SLC25A26: variants seen among roughly 807,000 people sequenced by gnomAD.
SLC25A26 encodes mitochondrial S-adenosylmethionine carrier protein.
In SLC25A26, 36 loss-of-function variants were observed where a neutral mutation model predicts 37.8. That is an observed-to-expected ratio of 0.95 (90% confidence interval 0.73 to 1.26). The LOEUF is 1.26. SLC25A26 is among the 50% of genes most tolerant of loss of function. The pLI, the probability that SLC25A26 is intolerant of heterozygous loss-of-function variation, is 0.00. For missense variants in SLC25A26, 390 were observed against 331.1 expected (o/e 1.18, Z -1.38); for synonymous variants, 129 against 122.5 (o/e 1.05, Z -0.35).
intron 6 of SLC25A26, among the ~76,000 whole-genome samples, chr3:66,359,499 T>G (rs150260533): frequency 1.8e-4 from 27 of 152,334 alleles, no homozygotes; most frequent in African/African-American, 5.5e-4. Context: ...TGGAGTAGCC[T>G]TCTACTCTTT....
At chr3:66,245,472 T>C (rs1433557672) in intron 3 of SLC25A26, among the ~76,000 whole-genome samples, 2 of 152,158 alleles carry the variant, frequency 1.3e-5, no homozygotes, top group South Asian at 2.1e-4. Flanking sequence ...ATGGGCATAA[T>C]AGAAATGGAC....
intron 3 of SLC25A26, among the ~76,000 whole-genome samples, chr3:66,244,975 TCAAAAAAA>T (rs2072761200): frequency 6.6e-6 from 1 of 152,098 alleles, no homozygotes. Flanking sequence ...AGACTCTGTC[TCAAAAAAA>T]CAAAAAACAA....
intron 1 of SLC25A26, 83 bp from the exon 2 acceptor site, chr3:66,236,461 C>A: frequency 2.7e-6 from 3 of 1,109,490 alleles, no homozygotes; most frequent in Non-Finnish European, 3.7e-6. Context: ...AGACTGTCTT[C>A]CTATCTTCGC....
intron 1 of SLC25A26, among the ~76,000 whole-genome samples, chr3:66,224,267 C>T (rs2071636245): frequency 6.6e-6 from 1 of 152,142 alleles, no homozygotes; most frequent in Non-Finnish European, 1.5e-5. Context: ...AACAAAGATA[C>T]CTGAGACTGG....
At chr3:66,176,663 A>G (rs1482734850) in intron 1 of SLC25A26, among the ~76,000 whole-genome samples, 1 of 152,200 alleles carries the variant, frequency 6.6e-6, no homozygotes, top group Non-Finnish European at 1.5e-5. Context: ...TACTTGACTC[A>G]TGGTTTGAAA....
intron 1 of SLC25A26, among the ~76,000 whole-genome samples, chr3:66,235,002 C>G (rs2072207082): frequency 1.3e-5 from 2 of 152,144 alleles, no homozygotes; most frequent in Non-Finnish European, 2.9e-5. Flanking sequence ...CTGACTTTGA[C>G]TCACATCTTT....
chr3:66,274,055 T>C (rs928077952), intron 5 of SLC25A26, among the ~76,000 whole-genome samples: 44 of 152,224 alleles, frequency 2.9e-4, no homozygotes, highest in South Asian at 2.5e-3. Context: ...AACAGAGATA[T>C]AGATCAGTGG....
intron 7 of SLC25A26, among the ~76,000 whole-genome samples, chr3:66,363,568 G>A (rs982764934): frequency 2.6e-5 from 4 of 152,168 alleles, no homozygotes; most frequent in African/African-American, 9.7e-5. Context: ...GCTTTAAAGA[G>A]CTTAATAAGT....
intron 5 of SLC25A26, among the ~76,000 whole-genome samples, chr3:66,284,602 A>G (rs1175578111): frequency 6.6e-6 from 1 of 152,220 alleles, no homozygotes; most frequent in African/African-American, 2.4e-5. Context: ...AAACTATGAT[A>G]TGTAAGTGCA....
chr3:66,210,023 A>AGTTTCG (rs2071263805), intron 1 of SLC25A26, among the ~76,000 whole-genome samples: 1 of 140,600 alleles, frequency 7.1e-6, no homozygotes, highest in Non-Finnish European at 1.5e-5. Context: ...GGCTTTTAGG[A>AGTTTCG]GTTTCGGATG....
At chr3:66,364,903 A>G (rs891907675) in intron 7 of SLC25A26, among the ~76,000 whole-genome samples, 2 of 152,190 alleles carry the variant, frequency 1.3e-5, no homozygotes, top group African/African-American at 4.8e-5. Context: ...GCCTGCAAAA[A>G]ATCTGTTGTC....
intron 5 of SLC25A26, among the ~76,000 whole-genome samples, chr3:66,333,750 G>A (rs1477403062): frequency 6.6e-6 from 1 of 152,096 alleles, no homozygotes; most frequent in Non-Finnish European, 1.5e-5. Context: ...TGTGGGCCAG[G>A]CTTTTCTTAG....
At chr3:66,223,613 A>C (rs1490759050) in intron 1 of SLC25A26, among the ~76,000 whole-genome samples, 1 of 152,172 alleles carries the variant, frequency 6.6e-6, no homozygotes, top group Non-Finnish European at 1.5e-5. Context: ...CTAGGTAAGC[A>C]CTCAGTACTA....
At chr3:66,232,335 C>T (rs1019384331) in intron 1 of SLC25A26, among the ~76,000 whole-genome samples, 6 of 151,794 alleles carry the variant, frequency 4.0e-5, no homozygotes, top group Non-Finnish European at 7.4e-5. Flanking sequence ...ATTGCCTGGT[C>T]CTGTCTTTTG....
At chr3:66,255,480 A>C (rs1254055869) in intron 3 of SLC25A26, among the ~76,000 whole-genome samples, 1 of 150,632 alleles carries the variant, frequency 6.6e-6, no homozygotes, top group African/African-American at 2.5e-5. Flanking sequence ...TTGATAAAGT[A>C]TGGAGGGAGC....
chr3:66,274,391 T>C (rs373000686), intron 5 of SLC25A26, among the ~76,000 whole-genome samples: 2 of 151,464 alleles, frequency 1.3e-5, no homozygotes, highest in Admixed American at 6.6e-5. Flanking sequence ...AAAGCCAAAA[T>C]TGACAAATGG....
chr3:66,163,363 A>G (rs1023629054), intron 1 of SLC25A26, among the ~76,000 whole-genome samples: 2 of 152,136 alleles, frequency 1.3e-5, no homozygotes, highest in African/African-American at 4.8e-5. Context: ...TATTTTTCTC[A>G]TTATTGGGTT....
chr3:66,309,061 G>A (rs1438155626), intron 5 of SLC25A26, among the ~76,000 whole-genome samples: 2 of 152,190 alleles, frequency 1.3e-5, no homozygotes, highest in Non-Finnish European at 2.9e-5. Context: ...AAGTGAGTTA[G>A]GGAGGAGTCC....
intron 1 of SLC25A26, among the ~76,000 whole-genome samples, chr3:66,212,653 C>T (rs1197689729): frequency 6.6e-6 from 1 of 152,124 alleles, no homozygotes; most frequent in African/African-American, 2.4e-5. Context: ...TTCCCCCTCC[C>T]CTAAGCTCCT....
Sources: gnomAD v4.1 joint callset for allele counts (sites outside exome capture counted in the v4.1 genomes callset) on GRCh38, gnomAD v4.1.1 for gene constraint, MANE v1.5 for transcripts, NCBI Gene and HGNC (gene_info 2026-07-23, HGNC 2026-07-21) for gene names.